The following MBD5 variants were observed in gnomAD, a reference collection of about 807,000 sequenced individuals.
The protein encoded by MBD5 is methyl-CpG binding domain protein 5, also known as methyl-CpG-binding domain protein 5.
Under a neutral mutation model 117.3 loss-of-function variants are expected in MBD5, and 13 were observed. That is an observed-to-expected ratio of 0.11 (90% CI 0.07 to 0.18). MBD5 has a LOEUF of 0.18. MBD5 is among the 10% of genes least tolerant of loss of function. The probability of loss-of-function intolerance (pLI) is 1.00; values close to 1 mark genes in which losing one functional copy is unlikely to be tolerated. For synonymous variants in MBD5, 727 were observed against 766.4 expected (o/e 0.95, Z 0.85); for missense variants, 1,879 against 2,093.8 (o/e 0.90, Z 2.00).
At chr2:148,030,932 A>T (rs1029314632) in intron 1 of MBD5, among the ~76,000 whole-genome samples, 1 of 152,176 alleles carries the variant, frequency 6.6e-6, no homozygotes, top group African/African-American at 2.4e-5. Context: ...TGAGGAAGGA[A>T]CAATGGATAT....
intron 4 of MBD5, among the ~76,000 whole-genome samples, chr2:148,365,425 A>G (rs1703667004): frequency 6.6e-6 from 1 of 152,194 alleles, no homozygotes; most frequent in Non-Finnish European, 1.5e-5. Flanking sequence ...CACAATTAAA[A>G]GGAGTAGAGA....
At chr2:148,248,242 A>G (rs189753596) in intron 3 of MBD5, among the ~76,000 whole-genome samples, 12 of 152,272 alleles carry the variant, frequency 7.9e-5, no homozygotes, top group African/African-American at 2.9e-4. Context: ...ACTTCCCATG[A>G]CACTGCAAGG....
At chr2:148,123,766 C>A (rs745748162) in intron 1 of MBD5, among the ~76,000 whole-genome samples, 1 of 152,056 alleles carries the variant, frequency 6.6e-6, no homozygotes, top group Non-Finnish European at 1.5e-5. Context: ...AGGAAGAAGA[C>A]TGCTGAGATC....
rs115625674 is a variant in MBD5, at chr2:148,231,506, A to G, written c.-830-1739A>G. On this transcript the variant is annotated intron_variant, in intron 2 of 13. Coordinates refer to ENST00000642680, the MANE Select transcript of MBD5 (RefSeq NM_001378120.1). The stretch of plus-strand genomic sequence containing the variant: ...TAGTGATATGAAGTTAAAGCCAGGT[A>G]CTGTGAGTGCTCACCTGATTTTTGA... Among the ~76,000 whole-genome samples, 1,410 of 152,176 alleles carry G rather than the reference A, an allele frequency of 9.3e-3. 17 individuals carry two copies. Among genetic ancestry groups the G allele is most frequent in the African/African-American group, 0.033 (1,350 of 41,526 alleles).
intron 1 of MBD5, among the ~76,000 whole-genome samples, chr2:148,039,858 C>T (rs1469139574): frequency 2.0e-5 from 3 of 152,018 alleles, no homozygotes; most frequent in Non-Finnish European, 2.9e-5. Context: ...TTTCAAAATA[C>T]CTGTTACTTA....
At chr2:148,422,742 G>A (rs1233067880) in intron 4 of MBD5, among the ~76,000 whole-genome samples, 1 of 152,138 alleles carries the variant, frequency 6.6e-6, no homozygotes, top group Non-Finnish European at 1.5e-5. Context: ...GAACATAAAT[G>A]ACCTCATGGA....
chr2:148,240,464 G>A (rs1023001829), intron 3 of MBD5, among the ~76,000 whole-genome samples: 2 of 151,794 alleles, frequency 1.3e-5, no homozygotes, highest in Admixed American at 1.3e-4. Flanking sequence ...TGCCCAGGCT[G>A]GTCTCGAATG....
intron 1 of MBD5, among the ~76,000 whole-genome samples, chr2:148,098,452 T>C (rs1359213227): frequency 6.6e-6 from 1 of 152,114 alleles, no homozygotes; most frequent in African/African-American, 2.4e-5. Flanking sequence ...TTTCAGCATA[T>C]AGATCCATGC....
chr2:148,328,632 G>A (rs1702541194), intron 3 of MBD5, among the ~76,000 whole-genome samples: 1 of 152,204 alleles, frequency 6.6e-6, no homozygotes, highest in South Asian at 2.1e-4. Flanking sequence ...CACTTTCTTT[G>A]ACTAGGAAAG....
intron 4 of MBD5, among the ~76,000 whole-genome samples, chr2:148,365,804 A>T (rs1703680856): frequency 6.6e-6 from 1 of 152,136 alleles, no homozygotes; most frequent in African/African-American, 2.4e-5. Context: ...TGAATAGACC[A>T]ATAAAAAGTT....
chr2:148,398,082 T>C (rs1233366781), intron 4 of MBD5, among the ~76,000 whole-genome samples: 1 of 152,202 alleles, frequency 6.6e-6, no homozygotes, highest in Non-Finnish European at 1.5e-5. Context: ...GTTCCAAGTC[T>C]TTGCTATTGT....
chr2:148,040,623 TA>T lies in MBD5; in HGVS notation c.-925+18940del, dbSNP rs1694330008. ...AATATAGCCAACATTATTTCTGTTATATTTATTCAAACTCCCAATTTTGATA... is the reference window on the plus strand; with the variant it reads ...AATATAGCCAACATTATTTCTGTTATTTTATTCAAACTCCCAATTTTGATA... On this transcript the variant is annotated intron_variant, in intron 1 of 13. Transcript: ENST00000642680. Among the ~76,000 whole-genome samples the T allele has an allele frequency of 2.0e-5, 3 of 152,220 alleles. No homozygotes were observed. The South Asian group carries it at 6.2e-4, about 32-fold the overall frequency.
At chr2:148,308,100 A>G (rs1168591514) in intron 3 of MBD5, among the ~76,000 whole-genome samples, 1 of 152,192 alleles carries the variant, frequency 6.6e-6, no homozygotes, top group Non-Finnish European at 1.5e-5. Context: ...TGCAGTAAAC[A>G]TATGTGTGCA....
chr2:148,411,073 A>C (rs895417148), intron 4 of MBD5, among the ~76,000 whole-genome samples: 22 of 152,106 alleles, frequency 1.4e-4, no homozygotes, highest in African/African-American at 5.1e-4. Flanking sequence ...CTGTGTACTC[A>C]ATGGTTAGCT....
At chr2:148,235,988 A>G (rs1053055561) in intron 3 of MBD5, among the ~76,000 whole-genome samples, 1 of 151,976 alleles carries the variant, frequency 6.6e-6, no homozygotes, top group Non-Finnish European at 1.5e-5. Context: ...TTGTAGAGAC[A>G]GGGTTTTGCC....
At chr2:148,336,529 A>G (rs1363364684) in intron 3 of MBD5, among the ~76,000 whole-genome samples, 1 of 152,030 alleles carries the variant, frequency 6.6e-6, no homozygotes, top group African/African-American at 2.4e-5. Flanking sequence ...TGGGACTACC[A>G]GCATGCACCA....
chr2:148,499,299 T>C lies in MBD5; in HGVS notation c.4963-3137T>C, dbSNP rs144613135. Among the ~76,000 whole-genome samples, 1,159 of 152,206 alleles carry C rather than the reference T, an allele frequency of 7.6e-3. 22 individuals carry two copies. Among genetic ancestry groups the C allele is most frequent in the African/African-American group, 0.027 (1,102 of 41,502 alleles). The stretch of plus-strand genomic sequence containing the variant: ...GCCTGGCCAACAGAGCAAGACCCTG[T>C]TAAAAAAAATTAACATTTAACATAT... On this transcript the variant is annotated intron_variant, in intron 11 of 13. Transcript: ENST00000642680.
intron 3 of MBD5, among the ~76,000 whole-genome samples, chr2:148,254,330 T>C (rs780414475): frequency 6.6e-6 from 1 of 152,212 alleles, no homozygotes; most frequent in Non-Finnish European, 1.5e-5. Flanking sequence ...TAAGGCCATT[T>C]AGTTTTGCAA....
chr2:148,226,376 C>T (rs946563376), intron 2 of MBD5, among the ~76,000 whole-genome samples: 64 of 151,970 alleles, frequency 4.2e-4, no homozygotes, highest in African/African-American at 1.5e-3. Flanking sequence ...GGTTTTTTGT[C>T]CTTGTGATAG....
Sources: gnomAD v4.1 joint callset for allele counts (sites outside exome capture counted in the v4.1 genomes callset) on GRCh38, gnomAD v4.1.1 for gene constraint, MANE v1.5 for transcripts, NCBI Gene and HGNC (gene_info 2026-07-23, HGNC 2026-07-21) for gene names.